The following BOLL variants were observed in gnomAD, a reference collection of about 807,000 sequenced individuals.
BOLL encodes protein boule-like.
BOLL carries 23 observed loss-of-function variants against 44.4 expected under a neutral mutation model. That is an observed-to-expected ratio of 0.52 (90% CI 0.37 to 0.73). BOLL has a LOEUF of 0.73. BOLL is among the 30% of genes least tolerant of loss of function. The pLI is 0.00. For synonymous variants in BOLL, 97 were observed against 110.8 expected, an observed-to-expected ratio of 0.88 and a Z score of 0.78; for missense variants, 287 against 338.3, an observed-to-expected ratio of 0.85 and a Z score of 1.19.
intron 9 of BOLL, among the ~76,000 whole-genome samples, chr2:197,751,137 C>G (rs1688227689): frequency 6.6e-6 from 1 of 152,176 alleles, no homozygotes; most frequent in South Asian, 2.1e-4. Flanking sequence ...CTCTGGGACA[C>G]AGTTAACACA....
chr2:197,737,829 T>G (rs1380698941), intron 10 of BOLL, among the ~76,000 whole-genome samples: 4 of 152,140 alleles, frequency 2.6e-5, no homozygotes, highest in African/African-American at 7.2e-5. Flanking sequence ...GAATCATACT[T>G]TGTCGACCAT....
At chr2:197,777,286 G>C (rs933637348) in intron 3 of BOLL, among the ~76,000 whole-genome samples, 173 bp from the exon 4 acceptor site, 1 of 151,642 alleles carries the variant, frequency 6.6e-6, no homozygotes, top group African/African-American at 2.4e-5. Context: ...GCCTAACACT[G>C]TCACTTTTAG....
chr2:197,767,618 A>G (rs1271520763), intron 6 of BOLL, among the ~76,000 whole-genome samples: 1 of 151,904 alleles, frequency 6.6e-6, no homozygotes, highest in Non-Finnish European at 1.5e-5. Flanking sequence ...ACCATGAGTG[A>G]TTTTGTCCTA....
At chr2:197,752,554 T>C (rs1189302861) in intron 9 of BOLL, among the ~76,000 whole-genome samples, 5 of 152,200 alleles carry the variant, frequency 3.3e-5, no homozygotes, top group African/African-American at 4.8e-5. Context: ...CCATTCACAA[T>C]TGCTACAAAG....
At chr2:197,730,604 C>A (rs1687115065) in intron 10 of BOLL, among the ~76,000 whole-genome samples, 4 of 149,390 alleles carry the variant, frequency 2.7e-5, no homozygotes, top group Admixed American at 2.7e-4. Flanking sequence ...ATCAGACTAA[C>A]AGCGGATCTC....
chr2:197,752,997 T>C (rs999337298), intron 9 of BOLL, among the ~76,000 whole-genome samples: 8 of 151,906 alleles, frequency 5.3e-5, no homozygotes, highest in African/African-American at 1.7e-4. Context: ...AGAAATAACA[T>C]CACACATCTA....
At chr2:197,750,041 C>G (rs1281459496) in intron 9 of BOLL, among the ~76,000 whole-genome samples, 1 of 152,116 alleles carries the variant, frequency 6.6e-6, no homozygotes, top group Non-Finnish European at 1.5e-5. Flanking sequence ...CATATCCAGC[C>G]AAACTAAGCT....
At chr2:197,784,271 C>A (rs1689936677) in intron 1 of BOLL, among the ~76,000 whole-genome samples, 1 of 151,302 alleles carries the variant, frequency 6.6e-6, no homozygotes, top group Non-Finnish European at 1.5e-5. Context: ...CAGTACACAG[C>A]AGGTGCTCAA....
At chr2:197,783,095 C>T (rs1246999483) in intron 1 of BOLL, among the ~76,000 whole-genome samples, 3 of 152,060 alleles carry the variant, frequency 2.0e-5, no homozygotes, top group African/African-American at 4.8e-5. Flanking sequence ...ACTAAACACA[C>T]TTCTGAGACA....
intron 9 of BOLL, among the ~76,000 whole-genome samples, chr2:197,750,487 G>C (rs1479779912): frequency 6.6e-6 from 1 of 152,024 alleles, no homozygotes; most frequent in Non-Finnish European, 1.5e-5. Context: ...AAAAAGCAGG[G>C]GTTGTAATCC....
intron 9 of BOLL, among the ~76,000 whole-genome samples, chr2:197,754,473 G>C (rs1286598642): frequency 6.6e-6 from 1 of 152,132 alleles, no homozygotes; most frequent in Non-Finnish European, 1.5e-5. Flanking sequence ...ACTTTGGGAG[G>C]CCGAGGCAGG....
At chr2:197,782,636 A>G (rs79753985) in intron 1 of BOLL, among the ~76,000 whole-genome samples, 58 of 152,310 alleles carry the variant, frequency 3.8e-4, no homozygotes, top group East Asian at 2.5e-3. Flanking sequence ...CTTCTGATTG[A>G]GAGGCCCCAT....
At position 197,777,971 on chromosome 2, in the gene BOLL, G is replaced by A. The variant is rs76577100; in HGVS notation, c.222-858C>T. 7.1e-3 allele frequency among the ~76,000 whole-genome samples: 1,082 copies of A among 151,834 alleles called. 22 individuals carry two copies. Among genetic ancestry groups the A allele is most frequent in the African/African-American group, 0.024 (1,014 of 41,482 alleles). On this transcript the variant is annotated intron_variant, in intron 3 of 10. Transcript: ENST00000392296. ...TAAAAAGTTAAGGAATTAGTTTTACGCTATTTTTTTGGTAGAACACACACG... is the reference window on the plus strand; with the variant it reads ...TAAAAAGTTAAGGAATTAGTTTTACACTATTTTTTTGGTAGAACACACACG...
At chr2:197,779,128 CA>C in intron 2 of BOLL, 62 bp from the exon 3 acceptor site, 1 of 1,256,386 alleles carries the variant, frequency 8.0e-7, no homozygotes, top group Non-Finnish European at 1.1e-6. Flanking sequence ...GAATAATTCT[CA>C]TGCTTGCTCT....
rs993049903 is a variant in BOLL, at chr2:197,728,337, T to C, written c.*218A>G. 1 of 649,584 alleles carries C rather than the reference T, an allele frequency of 1.5e-6. No homozygotes were observed. Among genetic ancestry groups the C allele is most frequent in the Non-Finnish European group, 2.6e-6 (1 of 380,500 alleles). The allele number at this position is 649,584 out of a possible 1,614,324, so 40.2% of individuals were successfully genotyped here. The stretch of plus-strand genomic sequence containing the variant: ...TAGGTTAGCACATAAAAAACCAACA[T>C]GCCACATCTACCTAAATAATTTTGT... On this transcript the variant is annotated 3_prime_UTR_variant, in exon 11 of 11. Transcript: ENST00000392296.
chr2:197,777,027 G>A (rs1207151771), intron 4 of BOLL, 32 bp downstream of exon 4: 3 of 1,490,774 alleles, frequency 2.0e-6, no homozygotes, highest in Non-Finnish European at 2.7e-6. Context: ...AAAATTTCCA[G>A]AAATGAAGTT....
chr2:197,733,841 C>T (rs1475709099), intron 10 of BOLL, among the ~76,000 whole-genome samples: 8 of 152,190 alleles, frequency 5.3e-5, no homozygotes, highest in East Asian at 1.9e-4. Context: ...ACATGTTAGA[C>T]GTAAAACCAT....
chr2:197,734,879 C>T (rs1419834326), intron 10 of BOLL, among the ~76,000 whole-genome samples: 4 of 152,044 alleles, frequency 2.6e-5, no homozygotes, highest in Non-Finnish European at 5.9e-5. Flanking sequence ...GGGTGCAGCA[C>T]ACCAACATGG....
Position 197,771,415 on chromosome 2 carries a change from A to G in BOLL, c.480+440T>C, listed in dbSNP as rs904272105. 7.2e-5 allele frequency among the ~76,000 whole-genome samples: 11 copies of G among 151,930 alleles called. No individual in the cohort carries two copies. The South Asian group carries it at 8.3e-4, about 11-fold the overall frequency. On this transcript the variant is annotated intron_variant, in intron 6 of 10. Coordinates refer to ENST00000392296, the MANE Select transcript of BOLL (RefSeq NM_033030.6). ...TAATGTAAATGACGAGTTAACAGGT[A>G]CAGCACACCAACATGGCACATGTAT...
Sources: gnomAD v4.1 joint callset for allele counts (sites outside exome capture counted in the v4.1 genomes callset) on GRCh38, gnomAD v4.1.1 for gene constraint, MANE v1.5 for transcripts, NCBI Gene and HGNC (gene_info 2026-07-23, HGNC 2026-07-21) for gene names.